DDAH1: variants seen among roughly 807,000 people sequenced by gnomAD.
DDAH1 encodes the protein dimethylarginine dimethylaminohydrolase 1.
In DDAH1, 19 loss-of-function variants were observed where a neutral mutation model predicts 28.8. That is an observed-to-expected ratio of 0.66 (90% confidence interval 0.46 to 0.97). The LOEUF is 0.97. Ranked by LOEUF, DDAH1 falls within the 50% of genes least tolerant of loss-of-function variation. The pLI is 0.00. For missense variants in DDAH1, 326 were observed against 375.9 expected (o/e 0.87, Z 1.10); for synonymous variants, 153 against 154.4 (o/e 0.99, Z 0.07).
At chr1:85,407,877 G>T (rs139699103) in intron 1 of DDAH1, among the ~76,000 whole-genome samples, 6 of 152,010 alleles carry the variant, frequency 3.9e-5, no homozygotes, top group Non-Finnish European at 7.4e-5. Flanking sequence ...CAAAAAGCTC[G>T]GCTCTTTTGG....
intron 1 of DDAH1, among the ~76,000 whole-genome samples, chr1:85,415,744 G>A (rs1652861638): frequency 1.3e-5 from 2 of 152,166 alleles, no homozygotes; most frequent in African/African-American, 4.8e-5. Context: ...AAACTCAGAC[G>A]AGTAGTTACC....
At chr1:85,530,574 A>G (rs1347700049) in intron 1 of DDAH1, among the ~76,000 whole-genome samples, 1 of 151,968 alleles carries the variant, frequency 6.6e-6, no homozygotes, top group Non-Finnish European at 1.5e-5. Context: ...CATGAAGGAT[A>G]CACAATTGCC....
At chr1:85,577,147 C>G (rs979280929) in intron 1 of DDAH1, among the ~76,000 whole-genome samples, 1 of 152,106 alleles carries the variant, frequency 6.6e-6, no homozygotes, top group Admixed American at 6.5e-5. Context: ...CGGTAGCAGC[C>G]GGGCAGGCGC....
In DDAH1 at chr1:85,503,671, T is replaced by C. The variant is rs533834245; in HGVS notation, c.-122-7390A>G. Among the ~76,000 whole-genome samples, 137 of 152,262 alleles carry C rather than the reference T, an allele frequency of 9.0e-4. 1 individual carries two copies. Among genetic ancestry groups the C allele is most frequent in the Non-Finnish European group, 1.3e-4 (9 of 68,020 alleles). On this transcript the variant is annotated intron_variant, in intron 1 of 6. Coordinates refer to the DDAH1 transcript ENST00000426972. ...AAGATAGACAAGATGCCTGCTATCA[T>C]GGAGCTTCCAATAAACACACAAACT...
chr1:85,571,943 G>C (rs1410652677), intron 1 of DDAH1, among the ~76,000 whole-genome samples: 1 of 152,146 alleles, frequency 6.6e-6, no homozygotes, highest in Admixed American at 6.5e-5. Context: ...CAATGCTCAG[G>C]GACACCTTGC....
chr1:85,337,585 C>CT (rs1648219459), intron 4 of DDAH1, among the ~76,000 whole-genome samples: 1 of 151,958 alleles, frequency 6.6e-6, no homozygotes. Context: ...TCCCGAGTAG[C>CT]TGGGACTACA....
intron 1 of DDAH1, among the ~76,000 whole-genome samples, chr1:85,520,734 G>C (rs1256130606): frequency 6.6e-6 from 1 of 152,150 alleles, no homozygotes; most frequent in Admixed American, 6.5e-5. Flanking sequence ...CTGAACGCAG[G>C]GGACAATAGG....
chr1:85,540,268 A>G (rs1252468946), intron 1 of DDAH1, among the ~76,000 whole-genome samples: 3 of 151,932 alleles, frequency 2.0e-5, no homozygotes, highest in Non-Finnish European at 4.4e-5. Flanking sequence ...TTATTTCCCT[A>G]TCTTCCTCTT....
rs1655261596 is a variant in DDAH1, at chr1:85,464,520, T to C, written c.303+223A>G. 2 of 1,527,308 alleles carry C rather than the reference T, an allele frequency of 1.3e-6. No homozygotes were observed. The allele number at this position is 1,527,308 out of a possible 1,614,324, so 94.6% of individuals were successfully genotyped here. A position where few individuals can be genotyped will look rare whatever the true frequency, so the allele number is the denominator to read the frequency against. The stretch of plus-strand genomic sequence containing the variant: ...CCTGCCCGAGACCGTACAACCACAT[T>C]GAATCGGATCCTCCAGAAGGCTGCC... On this transcript the variant is annotated intron_variant, in intron 1 of 5. Transcript: ENST00000284031. This position sits in a 1 kb window ranked among gnomAD's most constrained non-coding sequence, Gnocchi z 4.4.
At chr1:85,386,582 G>A (rs563158325) in intron 1 of DDAH1, among the ~76,000 whole-genome samples, 24 of 152,340 alleles carry the variant, frequency 1.6e-4, no homozygotes, top group African/African-American at 5.5e-4. Context: ...ATGAGTTGGA[G>A]TCCAATGCCT....
At chr1:85,503,441 T>G (rs140111894) in intron 1 of DDAH1, among the ~76,000 whole-genome samples, 84 of 152,292 alleles carry the variant, frequency 5.5e-4, no homozygotes, top group Admixed American at 2.9e-3. Context: ...CCTCAGGTGA[T>G]CCACCCACCT....
At chr1:85,508,273 G>C (rs1657095345) in intron 1 of DDAH1, among the ~76,000 whole-genome samples, 1 of 152,118 alleles carries the variant, frequency 6.6e-6, no homozygotes, top group Non-Finnish European at 1.5e-5. Flanking sequence ...TCCTTCATTG[G>C]CATTCTTCTC....
chr1:85,434,639 G>A (rs557648068), intron 1 of DDAH1, among the ~76,000 whole-genome samples: 53 of 152,100 alleles, frequency 3.5e-4, no homozygotes, highest in Non-Finnish European at 4.9e-4. Context: ...TAATCCTCCT[G>A]CCTCAGCCTC....
intron 1 of DDAH1, among the ~76,000 whole-genome samples, chr1:85,361,014 AGATT>A (rs1649768577): frequency 6.6e-6 from 1 of 152,250 alleles, no homozygotes; most frequent in Admixed American, 6.5e-5. Flanking sequence ...CACATGGACA[AGATT>A]TTTAAAAAAT....
intron 1 of DDAH1, among the ~76,000 whole-genome samples, chr1:85,502,149 G>C (rs563686035): frequency 6.6e-6 from 1 of 152,296 alleles, no homozygotes; most frequent in East Asian, 1.9e-4. Context: ...TCTGCCTTTT[G>C]AACGATCATG....
intron 1 of DDAH1, among the ~76,000 whole-genome samples, chr1:85,498,158 C>G (rs1317889993): frequency 6.6e-6 from 1 of 152,216 alleles, no homozygotes; most frequent in East Asian, 1.9e-4. Context: ...CTTCTCTTCT[C>G]CTTCTCCAGG....
At chr1:85,369,910 T>A (rs937601264) in intron 1 of DDAH1, among the ~76,000 whole-genome samples, 1 of 152,126 alleles carries the variant, frequency 6.6e-6, no homozygotes, top group Non-Finnish European at 1.5e-5. Context: ...CTGTTGCCCA[T>A]AGGAAGAATG....
intron 1 of DDAH1, among the ~76,000 whole-genome samples, chr1:85,515,631 C>T (rs55907948): frequency 7.3e-5 from 11 of 151,700 alleles, no homozygotes; most frequent in African/African-American, 1.7e-4. Flanking sequence ...GAGCACTCTT[C>T]GAATACTGTT....
chr1:85,429,035 C>CT (rs1182716187), intron 1 of DDAH1, among the ~76,000 whole-genome samples: 2 of 151,908 alleles, frequency 1.3e-5, no homozygotes, highest in African/African-American at 2.4e-5. Context: ...TTATTATATA[C>CT]TTTAAGTTCT....
Sources: allele counts gnomAD v4.1 joint callset (sites outside exome capture counted in the v4.1 genomes callset), GRCh38; gene constraint gnomAD v4.1.1; non-coding constraint Gnocchi (gnomAD v3.1); transcripts MANE v1.5; gene names NCBI Gene and HGNC (gene_info 2026-07-23, HGNC 2026-07-21).